The following WDFY4 variants were observed in gnomAD, a reference collection of about 807,000 sequenced individuals.
WDFY4 encodes the protein WDFY family member 4.
WDFY4 carries 169 observed loss-of-function variants against 351.9 expected under a neutral mutation model. The ratio of observed to expected loss-of-function variants is 0.48; its 90% CI spans 0.42 to 0.55. The LOEUF (loss-of-function observed/expected upper bound fraction) is 0.55, where lower values mean the gene tolerates loss of function less well. Among genes scored for constraint, WDFY4 ranks in the 20% least tolerant of loss-of-function variants. WDFY4 has a pLI of 0.00. For missense variants in WDFY4, 3,803 were observed against 3,935.6 expected (o/e 0.97, Z 0.90); for synonymous variants, 1,622 against 1,574.6 (o/e 1.03, Z -0.71).
chr10:48,890,332 C>T (rs1345686329), intron 43 of WDFY4, among the ~76,000 whole-genome samples: 2 of 152,100 alleles, frequency 1.3e-5, no homozygotes, highest in Non-Finnish European at 1.5e-5. Flanking sequence ...AAACACTCAC[C>T]CACACATCTT....
intron 23 of WDFY4, among the ~76,000 whole-genome samples, chr10:48,792,548 G>C (rs1475938156): frequency 6.6e-6 from 1 of 152,218 alleles, no homozygotes; most frequent in Non-Finnish European, 1.5e-5. Flanking sequence ...TGAATATGCT[G>C]TTAAAGATAA....
intron 13 of WDFY4, among the ~76,000 whole-genome samples, chr10:48,771,581 T>C (rs1439206514): frequency 6.6e-6 from 1 of 152,126 alleles, no homozygotes; most frequent in Non-Finnish European, 1.5e-5. Context: ...TCACAGTAGA[T>C]GCCAGGCCTT....
At chr10:48,824,828 A>G (rs913699338) in intron 35 of WDFY4, among the ~76,000 whole-genome samples, 2 of 152,138 alleles carry the variant, frequency 1.3e-5, no homozygotes, top group African/African-American at 4.8e-5. Context: ...CTTTTTGGAA[A>G]GATAGGGTCT....
chr10:48,725,445 A>G (rs946075938), intron 5 of WDFY4, among the ~76,000 whole-genome samples: 1 of 152,222 alleles, frequency 6.6e-6, no homozygotes, highest in Non-Finnish European at 1.5e-5. Context: ...CAAGGAACCC[A>G]GTTAGGAGGC....
chr10:48,895,076 G>C (rs1432199512), intron 44 of WDFY4, among the ~76,000 whole-genome samples: 1 of 152,238 alleles, frequency 6.6e-6, no homozygotes, highest in Non-Finnish European at 1.5e-5. Flanking sequence ...AGAAGGGTCT[G>C]CAGAGAGCCT....
At chr10:48,913,586 G>C in intron 47 of WDFY4, 1 of 1,614,140 alleles carries the variant, frequency 6.2e-7, no homozygotes, top group Non-Finnish European at 8.5e-7. Context: ...TCCTGATGGA[G>C]TCTATGAATA....
At chr10:48,728,409 C>A (rs146456972) in intron 7 of WDFY4, among the ~76,000 whole-genome samples, 1 of 152,328 alleles carries the variant, frequency 6.6e-6, no homozygotes, top group African/African-American at 2.4e-5. Flanking sequence ...GCCTTGATGG[C>A]CCAAGCTCCT....
At chr10:48,719,874 CGTG>C (rs1287005100) in intron 2 of WDFY4, 134 bp from the exon 3 acceptor site, 3 of 690,532 alleles carry the variant, frequency 4.3e-6, no homozygotes, top group Non-Finnish European at 7.6e-6. Flanking sequence ...GGGTGGGTGA[CGTG>C]GTGGCCTTTT....
intron 43 of WDFY4, among the ~76,000 whole-genome samples, chr10:48,882,358 ATTTG>A (rs2070287474): frequency 6.6e-6 from 1 of 152,140 alleles, no homozygotes. Flanking sequence ...TCATTCTGCT[ATTTG>A]TTTGTTGCTA....
In WDFY4 at chr10:48,810,718, G is replaced by A. The variant is rs549558181; in HGVS notation, c.5027G>A (p.Gly1676Asp). The change falls in exon 29 of 62, where the codon GGC becomes GAC. Residue 1676 changes from glycine (G) to aspartate (D), a missense_variant. Transcript: ENST00000325239. ...AGSWVERSTE[G>D]VDIVMDNLKS... is the part of the protein sequence containing the mutation. ...TCCTGGGTGGAACGCAGCACTGAGG[G>A]CGTGGATATTGTAATGGGTGAGCAC... The A allele has an allele frequency of 1.7e-5, 26 of 1,541,606 alleles. No individual in the cohort carries two copies. The highest frequency in any genetic ancestry group is 2.1e-5 in the Non-Finnish European group (24 of 1,142,336).
intron 1 of WDFY4, among the ~76,000 whole-genome samples, chr10:48,698,722 C>T (rs893829946): frequency 2.6e-5 from 4 of 152,140 alleles, no homozygotes; most frequent in Admixed American, 6.5e-5. Context: ...GTTCAATAAA[C>T]GCTGATGGGA....
chr10:48,913,383 C>T (rs866927149), intron 47 of WDFY4: 2 of 1,607,284 alleles, frequency 1.2e-6, no homozygotes, highest in Non-Finnish European at 8.5e-7. Flanking sequence ...GGGTCAGGTT[C>T]CAAGTCACCT....
chr10:48,788,826 C>T, intron 21 of WDFY4, 151 bp downstream of exon 21: 5 of 654,024 alleles, frequency 7.6e-6, no homozygotes, highest in Non-Finnish European at 9.5e-6. Flanking sequence ...GTTAAAATAT[C>T]CTATGCCTCC....
At chr10:48,715,743 A>T (rs2063887553) in intron 2 of WDFY4, among the ~76,000 whole-genome samples, 1 of 151,838 alleles carries the variant, frequency 6.6e-6, no homozygotes, top group Admixed American at 6.6e-5. Flanking sequence ...CTCCTGCCTC[A>T]GCCTCCTGAG....
intron 39 of WDFY4, among the ~76,000 whole-genome samples, chr10:48,843,097 G>A (rs1003827594): frequency 6.6e-6 from 1 of 152,196 alleles, no homozygotes; most frequent in African/African-American, 2.4e-5. Flanking sequence ...AAGGTGCATT[G>A]TATCTAAATG....
At chr10:48,941,064 CA>C (rs1277927304) in intron 47 of WDFY4, among the ~76,000 whole-genome samples, 2 of 152,120 alleles carry the variant, frequency 1.3e-5, no homozygotes, top group East Asian at 3.9e-4. Flanking sequence ...AGACATGTGC[CA>C]AAAGGTGCTC....
chr10:48,803,704 T>C (rs999924880), intron 25 of WDFY4, among the ~76,000 whole-genome samples: 1 of 151,860 alleles, frequency 6.6e-6, no homozygotes, highest in African/African-American at 2.4e-5. Flanking sequence ...GTGGTAGAAA[T>C]ACAACTCAAA....
At chr10:48,828,743 T>A in intron 36 of WDFY4, 35 bp from the exon 37 acceptor site, 1 of 1,271,718 alleles carries the variant, frequency 7.9e-7, no homozygotes. Flanking sequence ...AACTGGAATT[T>A]ATTGGATTTT....
chr10:48,901,710 C>A (rs1474264207), intron 46 of WDFY4, 91 bp from the exon 47 acceptor site: 2 of 1,399,616 alleles, frequency 1.4e-6, no homozygotes, highest in Non-Finnish European at 2.0e-6. Flanking sequence ...AATAATGAGC[C>A]TAGCTTCCTG....
Sources: allele counts gnomAD v4.1 joint callset (sites outside exome capture counted in the v4.1 genomes callset), GRCh38; gene constraint gnomAD v4.1.1; transcripts MANE v1.5; gene names NCBI Gene and HGNC (gene_info 2026-07-23, HGNC 2026-07-21).